Variants in APIP observed in about 807,000 individuals in gnomAD.
APIP encodes the protein APAF1 interacting protein.
APIP carries 32 observed loss-of-function variants against 32.0 expected under a neutral mutation model. The ratio of observed to expected loss-of-function variants is 1.00; its 90% CI spans 0.76 to 1.34. The LOEUF (loss-of-function observed/expected upper bound fraction) is 1.34, where lower values mean the gene tolerates loss of function less well. APIP is among the 40% of genes most tolerant of loss of function. The pLI is 0.00. For synonymous variants in APIP, 92 were observed against 94.8 expected (o/e 0.97, Z 0.17); for missense variants, 247 against 298.6 (o/e 0.83, Z 1.27).
intron 1 of APIP, among the ~76,000 whole-genome samples, chr11:34,913,491 C>G (rs1853591500): frequency 6.6e-6 from 1 of 151,922 alleles, no homozygotes; most frequent in Non-Finnish European, 1.5e-5. Context: ...AGTGTTACAG[C>G]TCTTAAAGGT....
chr11:34,896,716 G>A lies in APIP; in HGVS notation c.58-1606C>T, dbSNP rs571580940. ...TGCACACGTATCCCAGAACTTAAAAGCATAATAAAGCAACAACAACAACAA... is the reference window on the plus strand; with the variant it reads ...TGCACACGTATCCCAGAACTTAAAAACATAATAAAGCAACAACAACAACAA... On this transcript the variant is annotated intron_variant, in intron 1 of 6. Coordinates refer to ENST00000395787, the MANE Select transcript of APIP (RefSeq NM_015957.4). The A allele has an allele frequency of 1.6e-4, 179 of 1,146,616 alleles. No homozygotes were observed. In the African/African-American group the frequency reaches 2.9e-3, roughly 18 times the overall value. The allele number at this position is 1,146,616 out of a possible 1,614,324, so 71.0% of individuals were successfully genotyped here. A position where few individuals can be genotyped will look rare whatever the true frequency, so the allele number is the denominator to read the frequency against.
At chr11:34,902,348 A>T (rs1853382333) in intron 1 of APIP, among the ~76,000 whole-genome samples, 1 of 152,140 alleles carries the variant, frequency 6.6e-6, no homozygotes, top group African/African-American at 2.4e-5. Flanking sequence ...TTAGTTGATG[A>T]TATTCTGCTC....
At chr11:34,906,852 T>C (rs923260900) in intron 1 of APIP, among the ~76,000 whole-genome samples, 54 of 152,234 alleles carry the variant, frequency 3.5e-4, no homozygotes, top group Admixed American at 3.5e-3. Context: ...TTAGCTCCTT[T>C]ATTAAGTCCA....
At chr11:34,897,086 G>T (rs901228223) in intron 1 of APIP, among the ~76,000 whole-genome samples, 6 of 152,182 alleles carry the variant, frequency 3.9e-5, no homozygotes, top group African/African-American at 1.4e-4. Flanking sequence ...TTAACAGGTT[G>T]AATTCTCAGC....
chr11:34,914,617 G>A (rs1853624506), intron 1 of APIP, among the ~76,000 whole-genome samples: 1 of 152,130 alleles, frequency 6.6e-6, no homozygotes, highest in Admixed American at 6.6e-5. Flanking sequence ...GTGTTCACTA[G>A]TAACCGCAAT....
At chr11:34,916,139 G>A (rs1853679457) in intron 1 of APIP, 89 bp downstream of exon 1, 2 of 1,515,760 alleles carry the variant, frequency 1.3e-6, no homozygotes, top group Non-Finnish European at 1.8e-6. Context: ...TAAACGCCCG[G>A]CCCGCTACCC....
chr11:34,883,731 T>G (rs1018880925), intron 5 of APIP, among the ~76,000 whole-genome samples: 2 of 152,214 alleles, frequency 1.3e-5, no homozygotes, highest in Non-Finnish European at 2.9e-5. Flanking sequence ...TAAGCCTAAG[T>G]GGTGGAAATT....
intron 2 of APIP, among the ~76,000 whole-genome samples, chr11:34,894,706 T>C (rs938098636): frequency 6.6e-6 from 1 of 152,180 alleles, no homozygotes; most frequent in African/African-American, 2.4e-5. Context: ...GAGGATCCTC[T>C]AGAATCTCAG....
chr11:34,896,261 A>G (rs1853268771), intron 1 of APIP, among the ~76,000 whole-genome samples: 1 of 152,238 alleles, frequency 6.6e-6, no homozygotes, highest in Non-Finnish European at 1.5e-5. Context: ...ATTCTACTAT[A>G]AAGACACATA....
At chr11:34,890,270 T>C (rs927181130) in intron 3 of APIP, among the ~76,000 whole-genome samples, 7 of 152,188 alleles carry the variant, frequency 4.6e-5, no homozygotes, top group Admixed American at 2.0e-4. Context: ...GATTTAAGAT[T>C]GCACTATTCA....
intron 1 of APIP, among the ~76,000 whole-genome samples, chr11:34,907,318 C>A (rs1312706820): frequency 1.3e-5 from 2 of 152,120 alleles, no homozygotes; most frequent in Non-Finnish European, 1.5e-5. Context: ...GTCTTCCAAC[C>A]CTTAAAACCA....
chr11:34,888,774 G>A lies in APIP; in HGVS notation c.303C>T (p.Phe101=). The change falls in exon 4 of 7, where the codon TTC becomes TTT. Residue 101 remains phenylalanine (F), a synonymous_variant. Transcript: ENST00000395787. ...TACCTCTCATTGTGTAAGCATTCAT[G>A]AAAAGAGGAGTACACTGGCTTTTTT... ...KLKKSQCTPL[F]MNAYTMRGAG... The A allele has an allele frequency of 6.5e-7, 1 of 1,527,140 alleles. No individual in the cohort carries two copies. Among genetic ancestry groups the A allele is most frequent in the Non-Finnish European group, 8.7e-7 (1 of 1,150,768 alleles). The allele number at this position is 1,527,140 out of a possible 1,614,324, so 94.6% of individuals were successfully genotyped here.
rs1853174480 is a variant in APIP, at chr11:34,890,782, A to G, written c.159-230T>C. 16 of 357,850 alleles carry G rather than the reference A, an allele frequency of 4.5e-5. No homozygotes were observed. The East Asian group carries it at 8.2e-4, about 18-fold the overall frequency. 22.2% of individuals were successfully genotyped at this position (357,850 alleles called of 1,614,324 possible). ...GTTGCTTTTGTCTTCTACGTTTCAT[A>G]TATATTTATTCTTTTTATAGTGCAA... On this transcript the variant is annotated intron_variant, in intron 2 of 6. Transcript: ENST00000395787.
chr11:34,896,777 C>T (rs373383613), intron 1 of APIP: 12 of 1,285,170 alleles, frequency 9.3e-6, no homozygotes, highest in South Asian at 1.2e-5. Flanking sequence ...GAGAAGTGAG[C>T]GCCAAAGCCA....
chr11:34,904,731 T>G (rs1271396635), intron 1 of APIP, among the ~76,000 whole-genome samples: 1 of 152,148 alleles, frequency 6.6e-6, no homozygotes, highest in African/African-American at 2.4e-5. Flanking sequence ...GGAAGGACCT[T>G]ACACTGTTCT....
intron 1 of APIP, 79 bp downstream of exon 1, chr11:34,916,149 C>G: frequency 6.5e-7 from 1 of 1,543,138 alleles, no homozygotes; most frequent in Non-Finnish European, 8.7e-7. Context: ...GCCCGCTACC[C>G]TGCGCCCAGC....
At position 34,888,372 on chromosome 11, in the gene APIP, A is replaced by G. The variant is rs1853118046; in HGVS notation, c.382T>C (p.Phe128Leu). The change falls in exon 5 of 7, where the codon TTT becomes CTT. Residue 128 changes from phenylalanine to leucine, a missense_variant. Transcript: ENST00000395787. ...SKAAVMATLLFPGREFKITHQ... is the reference protein window; with the variant it reads ...SKAAVMATLLLPGREFKITHQ... The stretch of plus-strand genomic sequence containing the variant: ...GTAATTTTAAACTCCCGTCCTGGAA[A>G]GAGAAGTGTGGCCATCACAGCAGCT... 3 of 1,611,438 alleles carry G rather than the reference A, an allele frequency of 1.9e-6. No individual in the cohort carries two copies. Among genetic ancestry groups the G allele is most frequent in the Non-Finnish European group, 2.5e-6 (3 of 1,178,756 alleles).
At position 34,901,979 on chromosome 11, in the gene APIP, C is replaced by T. The variant is rs1853378188; in HGVS notation, c.58-6869G>A. On this transcript the variant is annotated intron_variant, in intron 1 of 6. Coordinates refer to ENST00000395787, the MANE Select transcript of APIP (RefSeq NM_015957.4). Reference sequence around the variant, plus strand: ...AACCCTTTAATAGCCCCTGCAACACCCCAATATTAGGAGTGCAGAAGCCCA... The same window carrying T: ...AACCCTTTAATAGCCCCTGCAACACTCCAATATTAGGAGTGCAGAAGCCCA... Among the ~76,000 whole-genome samples, 2 of 152,118 alleles carry T rather than the reference C, an allele frequency of 1.3e-5. 1 individual carries two copies. Among genetic ancestry groups the T allele is most frequent in the South Asian group, 4.1e-4 (2 of 4,822 alleles).
intron 1 of APIP, chr11:34,896,919 C>T: frequency 1.2e-6 from 1 of 843,210 alleles, no homozygotes; most frequent in Non-Finnish European, 1.7e-6. Context: ...AAAATCCCCA[C>T]ATAAACTGGA....
Sources: allele counts gnomAD v4.1 joint callset (sites outside exome capture counted in the v4.1 genomes callset), GRCh38; gene constraint gnomAD v4.1.1; transcripts MANE v1.5; gene names NCBI Gene and HGNC (gene_info 2026-07-23, HGNC 2026-07-21).